TOX3: variants seen among roughly 807,000 people sequenced by gnomAD.
The protein encoded by TOX3 is TOX high mobility group box family member 3, also known as CAG trinucleotide repeat-containing gene F9 protein.
In TOX3, 22 loss-of-function variants were observed where a neutral mutation model predicts 64.3. The ratio of observed to expected loss-of-function variants is 0.34; its 90% CI spans 0.24 to 0.49. The LOEUF (loss-of-function observed/expected upper bound fraction) is 0.49. Ranked by LOEUF, TOX3 falls within the 20% of genes least tolerant of loss-of-function variation. The pLI is 0.99. For missense variants in TOX3, 661 were observed against 714.4 expected, an observed-to-expected ratio of 0.93 and a Z score of 0.85; for synonymous variants, 291 against 273.6, an observed-to-expected ratio of 1.06 and a Z score of -0.63.
chr16:52,469,657 G>C (rs982576163), intron 1 of TOX3, among the ~76,000 whole-genome samples: 1 of 152,148 alleles, frequency 6.6e-6, no homozygotes, highest in African/African-American at 2.4e-5. Flanking sequence ...GAGAGTGAGA[G>C]ATGGATGGAT....
At chr16:52,464,358 C>T (rs1479172965) in intron 2 of TOX3, among the ~76,000 whole-genome samples, 170 bp from the exon 3 acceptor site, 1 of 152,138 alleles carries the variant, frequency 6.6e-6, no homozygotes, top group African/African-American at 2.4e-5. Context: ...TAAAGTTTTG[C>T]TGATCATTCT....
chr16:52,469,934 C>A (rs1960991994), intron 1 of TOX3, among the ~76,000 whole-genome samples: 1 of 152,308 alleles, frequency 6.6e-6, no homozygotes, highest in East Asian at 1.9e-4. Context: ...TATCCCACAA[C>A]AGCCAACACA....
chr16:52,536,320 G>A (rs1420659277), intron 1 of TOX3, among the ~76,000 whole-genome samples: 2 of 151,884 alleles, frequency 1.3e-5, no homozygotes, highest in Non-Finnish European at 2.9e-5. Context: ...TTTTTTTAAT[G>A]GTCAGGACAT....
intron 1 of TOX3, among the ~76,000 whole-genome samples, chr16:52,543,052 CATAATTCAA>C (rs1174900989): frequency 6.6e-6 from 1 of 152,084 alleles, no homozygotes; most frequent in Admixed American, 6.6e-5. Context: ...GGTCAATAGC[CATAATTCAA>C]AAGGAAAAGC....
chr16:52,502,427 A>C (rs1962028117), intron 1 of TOX3, among the ~76,000 whole-genome samples: 1 of 152,234 alleles, frequency 6.6e-6, no homozygotes, highest in Non-Finnish European at 1.5e-5. Flanking sequence ...AGAAAGGGAA[A>C]TAATTTTCGG....
At chr16:52,529,091 G>A (rs1962789608) in intron 1 of TOX3, among the ~76,000 whole-genome samples, 4 of 152,178 alleles carry the variant, frequency 2.6e-5, no homozygotes, top group Admixed American at 2.6e-4. Flanking sequence ...GATCAATGCT[G>A]ATTATGTCAG....
intron 1 of TOX3, among the ~76,000 whole-genome samples, chr16:52,495,445 T>A (rs901178930): frequency 2.6e-5 from 4 of 152,098 alleles, no homozygotes; most frequent in African/African-American, 9.7e-5. Context: ...AGGCCTAAAG[T>A]GTGGGGGAAG....
At chr16:52,481,793 C>T (rs999570475) in intron 1 of TOX3, among the ~76,000 whole-genome samples, 9 of 152,088 alleles carry the variant, frequency 5.9e-5, no homozygotes, top group African/African-American at 2.2e-4. Context: ...TTTATGATTG[C>T]CGGAATTCTG....
intron 1 of TOX3, among the ~76,000 whole-genome samples, chr16:52,524,137 A>T (rs1321660719): frequency 6.6e-6 from 1 of 152,194 alleles, no homozygotes; most frequent in Non-Finnish European, 1.5e-5. Flanking sequence ...GACCAGTGGA[A>T]TGTCACTGTG....
chr16:52,513,248 A>T (rs139475477), intron 1 of TOX3, among the ~76,000 whole-genome samples: 1 of 152,336 alleles, frequency 6.6e-6, no homozygotes, highest in East Asian at 1.9e-4. Flanking sequence ...AATTAATGGC[A>T]TCATCTTCCA....
At chr16:52,530,729 T>C (rs45582031) in intron 1 of TOX3, among the ~76,000 whole-genome samples, 11 of 151,982 alleles carry the variant, frequency 7.2e-5, no homozygotes, top group East Asian at 3.9e-4. Flanking sequence ...CTCCCTGATA[T>C]AAGAATCTTC....
chr16:52,518,304 G>C (rs1412388288), intron 1 of TOX3, among the ~76,000 whole-genome samples: 1 of 152,148 alleles, frequency 6.6e-6, no homozygotes, highest in Non-Finnish European at 1.5e-5. Context: ...TGCCCATTCA[G>C]TGTATTTTAA....
chr16:52,449,840 A>T (rs1472752629), intron 4 of TOX3, among the ~76,000 whole-genome samples: 1 of 152,256 alleles, frequency 6.6e-6, no homozygotes, highest in Non-Finnish European at 1.5e-5. Context: ...ACTCAGCGAT[A>T]AACATCACCG....
At chr16:52,466,718 A>G (rs1236224030) in intron 2 of TOX3, among the ~76,000 whole-genome samples, 1 of 152,166 alleles carries the variant, frequency 6.6e-6, no homozygotes, top group Non-Finnish European at 1.5e-5. Flanking sequence ...TTTTTTAACG[A>G]CAAATTAATT....
At chr16:52,542,135 G>C (rs778848343) in intron 1 of TOX3, among the ~76,000 whole-genome samples, 3 of 152,176 alleles carry the variant, frequency 2.0e-5, no homozygotes, top group Non-Finnish European at 2.9e-5. Flanking sequence ...ATAGTGCTTA[G>C]AGCTGCCAAG....
chr16:52,502,072 T>C (rs1962019986), intron 1 of TOX3, among the ~76,000 whole-genome samples: 1 of 152,188 alleles, frequency 6.6e-6, no homozygotes, highest in Admixed American at 6.5e-5. Flanking sequence ...TAATACACAG[T>C]TTTCTGACAC....
chr16:52,502,217 G>T (rs978781802), intron 1 of TOX3, among the ~76,000 whole-genome samples: 12 of 152,118 alleles, frequency 7.9e-5, no homozygotes, highest in Non-Finnish European at 1.8e-4. Context: ...AAAAGCTATG[G>T]CCATTCAGGA....
At chr16:52,504,913 C>A (rs35668161) in intron 1 of TOX3, among the ~76,000 whole-genome samples, 31,072 of 152,062 alleles carry the variant, frequency 0.2, 3,727 homozygotes, top group Middle Eastern at 0.27. Context: ...TGGCTCACTG[C>A]AACCTCTGCC....
At chr16:52,485,058 C>T (rs1293274187) in intron 1 of TOX3, among the ~76,000 whole-genome samples, 3 of 146,492 alleles carry the variant, frequency 2.0e-5, no homozygotes, top group Non-Finnish European at 4.4e-5. Context: ...TATATACACA[C>T]ACACAAACAC....
Sources: allele counts gnomAD v4.1 joint callset (sites outside exome capture counted in the v4.1 genomes callset), GRCh38; gene constraint gnomAD v4.1.1; transcripts MANE v1.5; gene names NCBI Gene and HGNC (gene_info 2026-07-23, HGNC 2026-07-21).